The following OPCML variants were observed in gnomAD, a reference collection of about 807,000 sequenced individuals.
The protein encoded by OPCML is opioid binding protein/cell adhesion molecule like.
Under a neutral mutation model 37.8 loss-of-function variants are expected in OPCML, and 13 were observed. The observed-to-expected ratio is 0.34, with a 90% confidence interval of 0.22 to 0.55. The LOEUF (loss-of-function observed/expected upper bound fraction) is 0.55. Ranked by LOEUF, OPCML falls within the 20% of genes least tolerant of loss-of-function variation. The probability of loss-of-function intolerance (pLI) is 0.91; values close to 1 mark genes in which losing one functional copy is unlikely to be tolerated. For synonymous variants in OPCML, 176 were observed against 168.8 expected (o/e 1.04, Z -0.33); for missense variants, 341 against 435.6 (o/e 0.78, Z 1.93).
intron 1 of OPCML, among the ~76,000 whole-genome samples, chr11:133,500,506 G>T (rs974726663): frequency 6.6e-6 from 1 of 152,144 alleles, no homozygotes; most frequent in Non-Finnish European, 1.5e-5. Context: ...TATATTTCTC[G>T]AGTCTCCAGT....
intron 2 of OPCML, among the ~76,000 whole-genome samples, chr11:132,687,071 TATTTTAAATAAG>T (rs1943190886): frequency 6.6e-6 from 1 of 152,088 alleles, no homozygotes; most frequent in Non-Finnish European, 1.5e-5. Flanking sequence ...TAACTAGTTC[TATTTTAAATAAG>T]ATCTATAAAT....
chr11:132,905,225 C>CTT (rs373679886), intron 2 of OPCML, among the ~76,000 whole-genome samples: 1,540 of 88,286 alleles, frequency 0.017, 86 homozygotes, highest in African/African-American at 0.021. Context: ...GAAAGCAGTT[C>CTT]TTTTTTTTTT....
At chr11:133,419,370 T>A (rs1945835078) in intron 1 of OPCML, 20 of 983,584 alleles carry the variant, frequency 2.0e-5, no homozygotes, top group Non-Finnish European at 2.4e-5. Flanking sequence ...AGTCAGCTTC[T>A]ACCCACTCGT....
chr11:132,749,017 A>G (rs1411499501), intron 2 of OPCML, among the ~76,000 whole-genome samples: 1 of 152,162 alleles, frequency 6.6e-6, no homozygotes, highest in Non-Finnish European at 1.5e-5. Context: ...TGAAATCCCA[A>G]TACACACTGT....
intron 2 of OPCML, among the ~76,000 whole-genome samples, chr11:132,836,064 C>G (rs1940984895): frequency 6.6e-6 from 1 of 152,118 alleles, no homozygotes; most frequent in South Asian, 2.1e-4. Context: ...GTTCCTGAAT[C>G]AGGGTAGGTG....
At chr11:132,497,325 C>A (rs185918387) in intron 4 of OPCML, among the ~76,000 whole-genome samples, 76 of 150,492 alleles carry the variant, frequency 5.1e-4, no homozygotes, top group Admixed American at 1.1e-3. Flanking sequence ...ATGGGATGAT[C>A]TGCGTAGCAA....
At chr11:133,267,797 G>A (rs1322714582) in intron 1 of OPCML, among the ~76,000 whole-genome samples, 2 of 152,074 alleles carry the variant, frequency 1.3e-5, no homozygotes, top group African/African-American at 4.8e-5. Context: ...GAGATCTGAT[G>A]ATTTTATAAA....
At chr11:133,274,673 G>A (rs1001486740) in intron 1 of OPCML, among the ~76,000 whole-genome samples, 5 of 152,302 alleles carry the variant, frequency 3.3e-5, no homozygotes, top group Middle Eastern at 3.4e-3. Flanking sequence ...GGGAGGGTGC[G>A]TGACTAAAGT....
intron 2 of OPCML, among the ~76,000 whole-genome samples, chr11:132,924,677 C>A (rs1421512454): frequency 6.6e-6 from 1 of 152,198 alleles, no homozygotes; most frequent in Non-Finnish European, 1.5e-5. Flanking sequence ...CCAAATAATT[C>A]TCTTTGCATT....
intron 1 of OPCML, among the ~76,000 whole-genome samples, chr11:133,215,217 T>TGAGAGAGA (rs139928448): frequency 6.6e-6 from 1 of 150,920 alleles, no homozygotes; most frequent in African/African-American, 2.4e-5. Context: ...TGTGTGTGTG[T>TGAGAGAGA]GAGAGAGAGA....
At chr11:133,048,414 G>C (rs1461224415) in intron 1 of OPCML, among the ~76,000 whole-genome samples, 2 of 152,072 alleles carry the variant, frequency 1.3e-5, no homozygotes, top group East Asian at 3.9e-4. Context: ...TGCATTAGGA[G>C]AGACGCCTAA....
At chr11:133,455,364 C>T (rs1437637246) in intron 1 of OPCML, among the ~76,000 whole-genome samples, 9 of 152,050 alleles carry the variant, frequency 5.9e-5, no homozygotes, top group Admixed American at 5.9e-4. Flanking sequence ...TTTATGATTC[C>T]CACATATTCT....
chr11:132,729,736 C>T, intron 2 of OPCML, among the ~76,000 whole-genome samples: 1 of 152,146 alleles, frequency 6.6e-6, no homozygotes, highest in East Asian at 1.9e-4. Context: ...TGCAGGACAG[C>T]CGTGGAGTTT....
chr11:132,683,251 T>A (rs561473779), intron 2 of OPCML, among the ~76,000 whole-genome samples: 169 of 152,158 alleles, frequency 1.1e-3, no homozygotes, highest in Non-Finnish European at 1.7e-3. Flanking sequence ...AATTAAAAAA[T>A]TAATCAGGCA....
intron 1 of OPCML, among the ~76,000 whole-genome samples, chr11:133,512,652 G>T (rs1948185029): frequency 6.6e-6 from 1 of 152,274 alleles, no homozygotes; most frequent in South Asian, 2.1e-4. Flanking sequence ...ATCACATCAT[G>T]AGTCCATCCA....
chr11:132,774,911 C>A (rs1261670049), intron 2 of OPCML, among the ~76,000 whole-genome samples: 1 of 152,170 alleles, frequency 6.6e-6, no homozygotes, highest in African/African-American at 2.4e-5. Flanking sequence ...TATCCCAATT[C>A]ACTTTGGAGG....
At chr11:133,237,951 T>G (rs1940584331) in intron 1 of OPCML, among the ~76,000 whole-genome samples, 1 of 152,246 alleles carries the variant, frequency 6.6e-6, no homozygotes, top group South Asian at 2.1e-4. Context: ...TATTATTACA[T>G]GCTAGTCACT....
intron 1 of OPCML, among the ~76,000 whole-genome samples, chr11:133,225,860 G>A (rs932448692): frequency 3.3e-5 from 5 of 152,194 alleles, no homozygotes; most frequent in African/African-American, 4.8e-5. Flanking sequence ...GAAACAACAC[G>A]TAGTAACTAT....
intron 1 of OPCML, among the ~76,000 whole-genome samples, chr11:133,103,253 A>G (rs552245522): frequency 5.3e-5 from 8 of 152,206 alleles, no homozygotes; most frequent in Non-Finnish European, 1.0e-4. Context: ...CACGTCTACT[A>G]GTTTCCACAC....
Sources: gnomAD v4.1 joint callset for allele counts (sites outside exome capture counted in the v4.1 genomes callset) on GRCh38, gnomAD v4.1.1 for gene constraint, MANE v1.5 for transcripts, NCBI Gene and HGNC (gene_info 2026-07-23, HGNC 2026-07-21) for gene names.